Variants in ACOT11 observed in about 807,000 individuals in gnomAD.
The protein encoded by ACOT11 is acyl-CoA thioesterase 11.
A neutral mutation model predicts 77.5 loss-of-function variants in ACOT11; 69 were observed. The observed-to-expected ratio is 0.89, with a 90% CI of 0.73 to 1.09. The LOEUF (loss-of-function observed/expected upper bound fraction) is 1.09, where lower values mean the gene tolerates loss of function less well. ACOT11 is among the 50% of genes least tolerant of loss of function. ACOT11 has a pLI of 0.00. For missense variants in ACOT11, 766 were observed against 813.7 expected (o/e 0.94, Z 0.71); for synonymous variants, 279 against 313.0 (o/e 0.89, Z 1.15).
exon 17 of ACOT11, chr1:54,635,076 A>C: frequency 3.1e-6 from 1 of 323,006 alleles, no homozygotes; most frequent in Non-Finnish European, 5.6e-6. Context: ...TATTTACCAT[A>C]ATAAATCGGC....
chr1:54,575,152 G>C (rs1654063910), intron 1 of ACOT11, among the ~76,000 whole-genome samples: 1 of 152,240 alleles, frequency 6.6e-6, no homozygotes, highest in Admixed American at 6.5e-5. Flanking sequence ...GCCGAGGAAA[G>C]GGCTGTGCTC....
chr1:54,590,303 G>T (rs1279696818), intron 3 of ACOT11, among the ~76,000 whole-genome samples: 2 of 152,006 alleles, frequency 1.3e-5, no homozygotes, highest in Non-Finnish European at 2.9e-5. Context: ...TGTAGGGAAG[G>T]TCTCGATGGG....
intron 2 of ACOT11, 38 bp from the exon 3 acceptor site, chr1:54,585,797 G>C: frequency 6.2e-7 from 1 of 1,610,998 alleles, no homozygotes; most frequent in Non-Finnish European, 8.5e-7. Flanking sequence ...GTGATCGGGG[G>C]AGGCTGCTAA....
intron 9 of ACOT11, among the ~76,000 whole-genome samples, chr1:54,601,753 C>G (rs116578672): frequency 6.6e-6 from 1 of 152,218 alleles, no homozygotes; most frequent in Non-Finnish European, 1.5e-5. Context: ...GTGATGCCCC[C>G]TCGAGCTTTC....
chr1:54,549,901 A>G (rs1653003332), intron 1 of ACOT11, among the ~76,000 whole-genome samples: 1 of 152,152 alleles, frequency 6.6e-6, no homozygotes, highest in Non-Finnish European at 1.5e-5. Flanking sequence ...ACCCTTTATG[A>G]CTTTTTCCTT....
intron 1 of ACOT11, among the ~76,000 whole-genome samples, chr1:54,575,727 G>A (rs572362735): frequency 6.6e-6 from 1 of 152,370 alleles, no homozygotes; most frequent in South Asian, 2.1e-4. Flanking sequence ...TCACAATGGA[G>A]AGCACTGCAG....
chr1:54,575,661 A>T (rs669306), intron 1 of ACOT11, among the ~76,000 whole-genome samples: 18,170 of 152,244 alleles, frequency 0.12, 2,595 homozygotes, highest in African/African-American at 0.34. Flanking sequence ...GTTTCTGCAT[A>T]GTAGATCTTC....
downstream of ACOT11, among the ~76,000 whole-genome samples, chr1:54,614,437 AG>A (rs1644149918): frequency 6.6e-6 from 1 of 152,118 alleles, no homozygotes; most frequent in African/African-American, 2.4e-5. Flanking sequence ...AAGGAAGTGT[AG>A]GGGTTGAGGG....
chr1:54,619,299 G>A (rs1433445065), intron 15 of ACOT11, among the ~76,000 whole-genome samples: 1 of 152,244 alleles, frequency 6.6e-6, no homozygotes, highest in East Asian at 1.9e-4. Context: ...TGGGGGTCAA[G>A]CGTCACGCAG....
intron 1 of ACOT11, among the ~76,000 whole-genome samples, chr1:54,551,705 TTTTTGTTTTGTTTTTGTTTTTG>T (rs1035133718): frequency 7.2e-5 from 11 of 151,754 alleles, no homozygotes; most frequent in Non-Finnish European, 1.0e-4. Flanking sequence ...GGGCTGGCTG[TTTTTGTTTTGTTTTTGTTTTTG>T]TTTTGTTTTG....
At chr1:54,592,402 G>A in intron 3 of ACOT11, 144 bp from the exon 4 acceptor site, 1 of 704,030 alleles carries the variant, frequency 1.4e-6, no homozygotes, top group East Asian at 2.8e-5. Flanking sequence ...TGAGGACTTG[G>A]TGGTATCGCA....
intron 1 of ACOT11, among the ~76,000 whole-genome samples, chr1:54,578,479 C>G (rs1159951106): frequency 6.6e-6 from 1 of 152,198 alleles, no homozygotes; most frequent in African/African-American, 2.4e-5. Flanking sequence ...TAACTCCTGT[C>G]TGCCACAGAT....
In ACOT11 at chr1:54,597,323, G is replaced by A; in HGVS notation, c.672G>A (p.Glu224=). 5 of 1,613,848 alleles carry A rather than the reference G, an allele frequency of 3.1e-6. No homozygotes were observed. Among genetic ancestry groups the A allele is most frequent in the Non-Finnish European group, 3.4e-6 (4 of 1,180,012 alleles). ...AGAAGACCCGTGTGGAGAGTGTGGA[G>A]CTGGTCCTGCCTCCCCACGCCAATC... is the stretch of plus-strand genomic sequence containing the variant. The part of the protein sequence containing the change: ...PAEKTRVESV[E]LVLPPHANHQ... The change falls in exon 7 of 16, where the codon GAG becomes GAA. Residue 224 remains glutamate, a synonymous_variant. Transcript: ENST00000343744.
intron 3 of ACOT11, among the ~76,000 whole-genome samples, chr1:54,589,408 G>A (rs79747455): frequency 0.045 from 6,624 of 147,416 alleles, 277 homozygotes; most frequent in East Asian, 0.18. Context: ...TTTCACTAAC[G>A]TCACTAGTCA....
At chr1:54,638,696 G>A (rs943481665) in exon 17 of ACOT11, 9 of 151,796 alleles carry the variant, frequency 5.9e-5, no homozygotes, top group Non-Finnish European at 8.8e-5. Flanking sequence ...GGTTTTATTT[G>A]TTTGTTTTTA....
intron 15 of ACOT11, among the ~76,000 whole-genome samples, chr1:54,627,059 G>T (rs1488660258): frequency 1.5e-5 from 2 of 134,712 alleles, no homozygotes; most frequent in African/African-American, 5.1e-5. Flanking sequence ...GTTTCACCAT[G>T]TTGGCCAGGC....
chr1:54,585,975 C>T (rs2100980503), intron 3 of ACOT11, 71 bp downstream of exon 3: 1 of 1,514,794 alleles, frequency 6.6e-7, no homozygotes, highest in Non-Finnish European at 9.1e-7. Flanking sequence ...CCTCCTGACT[C>T]CCTGCCTGGT....
At chr1:54,551,462 T>C (rs115882642) in intron 1 of ACOT11, among the ~76,000 whole-genome samples, 2,885 of 152,286 alleles carry the variant, frequency 0.019, 62 homozygotes, top group African/African-American at 0.056. Flanking sequence ...CCTGTCCCGC[T>C]TCAATCCTTG....
exon 17 of ACOT11, chr1:54,635,285 C>A (rs773334372): frequency 2.8e-5 from 6 of 217,462 alleles, no homozygotes; most frequent in Non-Finnish European, 4.6e-5. Flanking sequence ...AGTCTGCATG[C>A]CACGGTCACA....
Sources: allele counts gnomAD v4.1 joint callset (sites outside exome capture counted in the v4.1 genomes callset), GRCh38; gene constraint gnomAD v4.1.1; transcripts MANE v1.5; gene names NCBI Gene and HGNC (gene_info 2026-07-23, HGNC 2026-07-21).